The following FHIT variants were observed in gnomAD, a reference collection of about 807,000 sequenced individuals.
FHIT encodes fragile histidine triad diadenosine triphosphatase, also known as bis(5'-adenosyl)-triphosphatase.
A neutral mutation model predicts 17.9 loss-of-function variants in FHIT; 19 were observed. That is an observed-to-expected ratio of 1.06 (90% confidence interval 0.74 to 1.56). The LOEUF (loss-of-function observed/expected upper bound fraction) is 1.56, where lower values mean the gene tolerates loss of function less well. Ranked by LOEUF, FHIT falls within the 40% of genes most tolerant of loss-of-function variation. FHIT has a pLI of 0.00. For missense variants in FHIT, 248 were observed against 189.2 expected (o/e 1.31, Z -1.82); for synonymous variants, 81 against 69.7 (o/e 1.16, Z -0.81).
chr3:60,301,899 C>T (rs915614447), intron 5 of FHIT, among the ~76,000 whole-genome samples: 5 of 151,992 alleles, frequency 3.3e-5, no homozygotes, highest in Admixed American at 2.6e-4. Flanking sequence ...TAAAAACACA[C>T]ATTAAATGCT....
chr3:59,757,647 A>C (rs956661647), intron 8 of FHIT, among the ~76,000 whole-genome samples: 7 of 152,208 alleles, frequency 4.6e-5, no homozygotes, highest in African/African-American at 1.4e-4. Flanking sequence ...AAACGGGGGA[A>C]AACTACTTTA....
chr3:61,101,101 T>A lies in FHIT; in HGVS notation c.-163-59002A>T, dbSNP rs148647598. ...TGTCAGTTTTGGCTTTTGTTGCCAT[T>A]GCTTTTGGTGTTTTAGTCATGAAAC... is the stretch of plus-strand genomic sequence containing the variant. On this transcript the variant is annotated intron_variant, in intron 2 of 9. Coordinates refer to ENST00000492590, the MANE Select transcript of FHIT (RefSeq NM_002012.4). Among the ~76,000 whole-genome samples, 964 of 152,334 alleles carry A rather than the reference T, an allele frequency of 6.3e-3. 5 individuals carry two copies. The highest frequency in any genetic ancestry group is 9.3e-3 in the African/African-American group (387 of 41,566).
At chr3:60,550,891 C>T (rs914610090) in intron 4 of FHIT, among the ~76,000 whole-genome samples, 1 of 151,966 alleles carries the variant, frequency 6.6e-6, no homozygotes, top group Non-Finnish European at 1.5e-5. Flanking sequence ...AGCCAGTCAA[C>T]AAGGAAAAAT....
chr3:60,593,338 C>T (rs1480252872), intron 4 of FHIT, among the ~76,000 whole-genome samples: 5 of 152,110 alleles, frequency 3.3e-5, no homozygotes, highest in African/African-American at 1.2e-4. Flanking sequence ...ATAGCACTAG[C>T]CCAGGTGACC....
chr3:60,702,960 A>C (rs781922555), intron 4 of FHIT, among the ~76,000 whole-genome samples: 5 of 152,142 alleles, frequency 3.3e-5, no homozygotes, highest in Non-Finnish European at 5.9e-5. Context: ...ATGCATACTG[A>C]GTTGAATACA....
intron 5 of FHIT, among the ~76,000 whole-genome samples, chr3:60,342,140 C>A (rs373474365): frequency 1.3e-5 from 2 of 152,342 alleles, no homozygotes; most frequent in East Asian, 3.9e-4. Flanking sequence ...CCTGGCTTCA[C>A]CCTGTTCTCC....
chr3:60,687,787 T>G (rs2040891675), intron 4 of FHIT, among the ~76,000 whole-genome samples: 1 of 152,150 alleles, frequency 6.6e-6, no homozygotes, highest in Non-Finnish European at 1.5e-5. Context: ...TTCCATCAAT[T>G]TTTCCTTATA....
At chr3:59,987,853 C>T (rs1357804962) in intron 7 of FHIT, among the ~76,000 whole-genome samples, 2 of 151,948 alleles carry the variant, frequency 1.3e-5, no homozygotes, top group Admixed American at 1.3e-4. Flanking sequence ...GAGATGTCTG[C>T]CCCATCTAAA....
At chr3:60,569,952 T>G (rs2037317924) in intron 4 of FHIT, among the ~76,000 whole-genome samples, 1 of 151,810 alleles carries the variant, frequency 6.6e-6, no homozygotes, top group Admixed American at 6.6e-5. Flanking sequence ...TACAATTCAA[T>G]GGTTTTTAAT....
chr3:60,139,815 A>G (rs946102841), intron 5 of FHIT, among the ~76,000 whole-genome samples: 1 of 99,390 alleles, frequency 1.0e-5, no homozygotes, highest in South Asian at 3.2e-4. Context: ...AGTACCTTTC[A>G]TTATTAAAAA....
chr3:60,929,247 C>A (rs1175446935), intron 3 of FHIT, among the ~76,000 whole-genome samples: 1 of 152,172 alleles, frequency 6.6e-6, no homozygotes, highest in African/African-American at 2.4e-5. Flanking sequence ...AAACCCACAG[C>A]CAATATCATA....
chr3:60,571,067 C>T (rs968849219), intron 4 of FHIT, among the ~76,000 whole-genome samples: 2 of 151,968 alleles, frequency 1.3e-5, no homozygotes, highest in African/African-American at 4.8e-5. Flanking sequence ...GTGGCTCTCA[C>T]CTGTAATCCC....
At chr3:60,134,696 G>A (rs1342779806) in intron 5 of FHIT, among the ~76,000 whole-genome samples, 1 of 152,126 alleles carries the variant, frequency 6.6e-6, no homozygotes, top group Non-Finnish European at 1.5e-5. Flanking sequence ...GAGAGACACC[G>A]ACAAATGTAG....
chr3:60,023,837 G>T (rs372838166), intron 5 of FHIT, among the ~76,000 whole-genome samples: 14 of 152,234 alleles, frequency 9.2e-5, no homozygotes, highest in African/African-American at 2.6e-4. Flanking sequence ...TAAATGTCAT[G>T]TAGGCTTATT....
rs1706200375 is a variant in FHIT, at chr3:60,902,965, AACT to A, written c.-110-80957_-110-80955del. 2.6e-5 allele frequency among the ~76,000 whole-genome samples: 4 copies of A among 152,194 alleles called. No homozygotes were observed. In the South Asian group the frequency reaches 8.3e-4, roughly 32 times the overall value. The stretch of plus-strand genomic sequence containing the variant: ...AAATGGTTTTGACATCAGACACCCC[AACT>A]TTACCACTTACTACTTCCTAAGTAT... On this transcript the variant is annotated intron_variant, in intron 3 of 9. Coordinates refer to ENST00000492590, the MANE Select transcript of FHIT (RefSeq NM_002012.4).
chr3:60,635,427 C>G (rs552139889), intron 4 of FHIT, among the ~76,000 whole-genome samples: 1 of 152,310 alleles, frequency 6.6e-6, no homozygotes, highest in African/African-American at 2.4e-5. Context: ...CAGTTGACCA[C>G]TCCCCTCCTT....
chr3:60,896,755 A>T (rs1387639936), intron 3 of FHIT, among the ~76,000 whole-genome samples: 1 of 152,176 alleles, frequency 6.6e-6, no homozygotes. Flanking sequence ...TCCATTTGAT[A>T]TATAGTTAGG....
chr3:60,025,134 G>A (rs1380925520), intron 5 of FHIT, among the ~76,000 whole-genome samples: 1 of 152,118 alleles, frequency 6.6e-6, no homozygotes, highest in Non-Finnish European at 1.5e-5. Flanking sequence ...GATACGGTGG[G>A]TGGGACAGTG....
At chr3:60,606,094 T>C (rs1006438382) in intron 4 of FHIT, among the ~76,000 whole-genome samples, 2 of 151,998 alleles carry the variant, frequency 1.3e-5, no homozygotes, top group East Asian at 1.9e-4. Context: ...TGCCCCAGAG[T>C]GTGCTAGAGC....
Sources: allele counts gnomAD v4.1 joint callset (sites outside exome capture counted in the v4.1 genomes callset), GRCh38; gene constraint gnomAD v4.1.1; transcripts MANE v1.5; gene names NCBI Gene and HGNC (gene_info 2026-07-23, HGNC 2026-07-21).